The following KHDRBS2 variants were observed in gnomAD, a reference collection of about 807,000 sequenced individuals.
The protein encoded by KHDRBS2 is KH RNA binding domain containing, signal transduction associated 2, also known as KH domain-containing, RNA-binding, signal transduction-associated protein 2.
A neutral mutation model predicts 44.3 loss-of-function variants in KHDRBS2; 26 were observed. The observed-to-expected ratio is 0.59, with a 90% CI of 0.43 to 0.81. The LOEUF (loss-of-function observed/expected upper bound fraction) is 0.81. Among genes scored for constraint, KHDRBS2 ranks in the 40% least tolerant of loss-of-function variants. The pLI, the probability that KHDRBS2 is intolerant of heterozygous loss-of-function variation, is 0.00. For missense variants in KHDRBS2, 476 were observed against 433.1 expected (o/e 1.10, Z -0.88); for synonymous variants, 194 against 151.1 (o/e 1.28, Z -2.08).
chr6:62,252,512 A>T (rs1426229582), intron 1 of KHDRBS2, among the ~76,000 whole-genome samples: 1 of 151,908 alleles, frequency 6.6e-6, no homozygotes, highest in African/African-American at 2.4e-5. Context: ...ATCATTTCCA[A>T]CCAAACAGAT....
At chr6:61,542,773 G>A in the KHDRBS2 span, among the ~76,000 whole-genome samples, 81 of 151,940 alleles carry the variant, frequency 5.3e-4, no homozygotes, top group African/African-American at 1.9e-3. Context: ...GGGGAGAGAG[G>A]AGGCAGATAT....
chr6:61,878,481 T>C (rs1583297949), intron 6 of KHDRBS2, among the ~76,000 whole-genome samples: 3 of 152,154 alleles, frequency 2.0e-5, no homozygotes, highest in African/African-American at 7.2e-5. Context: ...GCTGACTGTC[T>C]AAATGACACT....
At chr6:62,164,612 T>C (rs1562982981) in intron 2 of KHDRBS2, among the ~76,000 whole-genome samples, 2 of 151,922 alleles carry the variant, frequency 1.3e-5, no homozygotes, top group Non-Finnish European at 2.9e-5. Context: ...CATGTATACC[T>C]TTTATACTCA....
At chr6:61,625,779 G>A in the KHDRBS2 span, among the ~76,000 whole-genome samples, 17 of 152,080 alleles carry the variant, frequency 1.1e-4, no homozygotes, top group African/African-American at 3.6e-4. Flanking sequence ...ATCTAATTCC[G>A]TCTTGGAATC....
chr6:61,883,725 C>T (rs1200316635), intron 6 of KHDRBS2, among the ~76,000 whole-genome samples: 1 of 151,990 alleles, frequency 6.6e-6, no homozygotes, highest in African/African-American at 2.4e-5. Flanking sequence ...AGTATTATGT[C>T]CGTCCTATAG....
chr6:61,848,063 A>G (rs1032370436), intron 6 of KHDRBS2, among the ~76,000 whole-genome samples: 1 of 151,888 alleles, frequency 6.6e-6, no homozygotes, highest in Non-Finnish European at 1.5e-5. Context: ...CCTCTGGCCA[A>G]TCGTCTGTGA....
intron 7 of KHDRBS2, among the ~76,000 whole-genome samples, chr6:61,704,347 A>T (rs1769146864): frequency 6.6e-6 from 1 of 151,864 alleles, no homozygotes; most frequent in Admixed American, 6.6e-5. Flanking sequence ...TCATTAATTC[A>T]TTCTTTTTGT....
At chr6:61,781,534 G>T (rs1299849894) in intron 6 of KHDRBS2, among the ~76,000 whole-genome samples, 1 of 152,066 alleles carries the variant, frequency 6.6e-6, no homozygotes, top group African/African-American at 2.4e-5. Context: ...TTAGAAATCT[G>T]CAAGCTTTTG....
chr6:62,192,005 T>C (rs754046588), intron 1 of KHDRBS2, among the ~76,000 whole-genome samples: 1 of 152,030 alleles, frequency 6.6e-6, no homozygotes, highest in Non-Finnish European at 1.5e-5. Flanking sequence ...GTTACTTATA[T>C]GTTAATGGTT....
At chr6:61,720,358 C>T (rs1275095137) in intron 7 of KHDRBS2, among the ~76,000 whole-genome samples, 5 of 152,114 alleles carry the variant, frequency 3.3e-5, no homozygotes, top group African/African-American at 1.2e-4. Flanking sequence ...GCCACACTGA[C>T]TTCCACAATG....
At chr6:61,724,651 G>T (rs181321111) in intron 7 of KHDRBS2, among the ~76,000 whole-genome samples, 2 of 152,180 alleles carry the variant, frequency 1.3e-5, no homozygotes, top group East Asian at 1.9e-4. Flanking sequence ...AAAAGCAGGG[G>T]TTGTAATCCT....
intron 6 of KHDRBS2, among the ~76,000 whole-genome samples, chr6:61,781,392 G>T (rs1275422699): frequency 6.6e-6 from 1 of 152,090 alleles, no homozygotes; most frequent in Admixed American, 6.6e-5. Flanking sequence ...TAAAAACCCA[G>T]GCTAACCCTT....
the KHDRBS2 span, among the ~76,000 whole-genome samples, chr6:61,657,436 G>A: frequency 1.3e-5 from 2 of 151,816 alleles, no homozygotes; most frequent in African/African-American, 2.4e-5. Flanking sequence ...ATCTGACATC[G>A]TTTCCACGAC....
intron 3 of KHDRBS2, among the ~76,000 whole-genome samples, chr6:62,023,390 G>A (rs767413180): frequency 7.9e-5 from 12 of 151,556 alleles, no homozygotes; most frequent in Non-Finnish European, 7.4e-5. Flanking sequence ...TTTCAGCATA[G>A]ATATTCTCTA....
intron 1 of KHDRBS2, among the ~76,000 whole-genome samples, chr6:62,219,473 CTCA>C (rs1455694781): frequency 2.6e-5 from 4 of 151,622 alleles, no homozygotes; most frequent in African/African-American, 9.7e-5. Context: ...AAAACAAATT[CTCA>C]TGTGTGATTA....
At chr6:61,949,456 T>C (rs1764291782) in intron 4 of KHDRBS2, among the ~76,000 whole-genome samples, 1 of 152,112 alleles carries the variant, frequency 6.6e-6, no homozygotes, top group Non-Finnish European at 1.5e-5. Context: ...TATCTTCAGC[T>C]ACAGGACATA....
intron 6 of KHDRBS2, among the ~76,000 whole-genome samples, chr6:61,736,825 C>T (rs368422416): frequency 1.3e-5 from 2 of 151,958 alleles, no homozygotes; most frequent in South Asian, 2.1e-4. Context: ...CTTAGTTCCC[C>T]GAATTCCAAT....
intron 8 of KHDRBS2, among the ~76,000 whole-genome samples, chr6:61,691,053 G>A (rs1285413763): frequency 6.6e-6 from 1 of 151,988 alleles, no homozygotes; most frequent in Non-Finnish European, 1.5e-5. Flanking sequence ...GGTTGTGATA[G>A]ATCCAGTCTG....
chr6:61,704,075 A>T (rs1387718021), intron 7 of KHDRBS2, among the ~76,000 whole-genome samples: 1 of 151,880 alleles, frequency 6.6e-6, no homozygotes, highest in Non-Finnish European at 1.5e-5. Flanking sequence ...TTCCTTCTAG[A>T]CAAAGTCTTA....
Sources: gnomAD v4.1 joint callset for allele counts (sites outside exome capture counted in the v4.1 genomes callset) on GRCh38, gnomAD v4.1.1 for gene constraint, MANE v1.5 for transcripts, NCBI Gene and HGNC (gene_info 2026-07-23, HGNC 2026-07-21) for gene names.